CTNNA2: variants seen among roughly 807,000 people sequenced by gnomAD.
The protein encoded by CTNNA2 is catenin alpha-2.
CTNNA2 carries 42 observed loss-of-function variants against 101.0 expected under a neutral mutation model. The ratio of observed to expected loss-of-function variants is 0.42; its 90% CI spans 0.32 to 0.54. The LOEUF is 0.54. CTNNA2 is among the 20% of genes least tolerant of loss of function. The probability of loss-of-function intolerance (pLI) is 0.14; values close to 1 mark genes in which losing one functional copy is unlikely to be tolerated. For synonymous variants in CTNNA2, 450 were observed against 456.4 expected (o/e 0.99, Z 0.18); for missense variants, 871 against 1,223.1 (o/e 0.71, Z 4.29).
chr2:80,114,690 C>G (rs188862820), intron 7 of CTNNA2, among the ~76,000 whole-genome samples: 1 of 152,290 alleles, frequency 6.6e-6, no homozygotes, highest in Non-Finnish European at 1.5e-5. Flanking sequence ...GCTCCTATCC[C>G]CATAATCAGA....
intron 7 of CTNNA2, among the ~76,000 whole-genome samples, chr2:80,232,341 G>GTTGT (rs1709276642): frequency 1.2e-5 from 1 of 82,062 alleles, no homozygotes; most frequent in African/African-American, 3.3e-5. Context: ...TTGTTTGTTT[G>GTTGT]TTTGTTTTTT....
intron 9 of CTNNA2, among the ~76,000 whole-genome samples, chr2:80,443,329 A>T (rs1682757656): frequency 2.6e-5 from 4 of 152,218 alleles, no homozygotes; most frequent in Non-Finnish European, 5.9e-5. Context: ...AAACTGACAC[A>T]GCAAGGAAAT....
chr2:80,065,079 T>G (rs1454187446), intron 7 of CTNNA2, among the ~76,000 whole-genome samples: 1 of 152,194 alleles, frequency 6.6e-6, no homozygotes, highest in Non-Finnish European at 1.5e-5. Context: ...AAAAAGAATT[T>G]TTTTTGAGTA....
intron 1 of CTNNA2, among the ~76,000 whole-genome samples, chr2:79,637,625 A>G (rs1054280666): frequency 2.0e-5 from 3 of 152,216 alleles, no homozygotes; most frequent in Non-Finnish European, 4.4e-5. Flanking sequence ...ACAAACTGAA[A>G]GGTCAAAAAT....
intron 18 of CTNNA2, among the ~76,000 whole-genome samples, chr2:80,631,446 T>A (rs1404691583): frequency 6.6e-6 from 1 of 151,784 alleles, no homozygotes; most frequent in East Asian, 1.9e-4. Context: ...GTTTTGAAAG[T>A]TTCTTGTATA....
intron 4 of CTNNA2, among the ~76,000 whole-genome samples, chr2:79,477,301 G>A (rs960739584): frequency 9.9e-5 from 15 of 151,728 alleles, no homozygotes; most frequent in African/African-American, 3.4e-4. Context: ...CTCCCAAGCA[G>A]CTGGGTTTAC....
chr2:80,454,541 C>T (rs543577877), intron 9 of CTNNA2, among the ~76,000 whole-genome samples: 5 of 152,288 alleles, frequency 3.3e-5, no homozygotes, highest in Admixed American at 2.0e-4. Context: ...TGTCCTTGAA[C>T]GTGTTCAAAT....
At chr2:79,357,646 A>G (rs550680495) in intron 3 of CTNNA2, among the ~76,000 whole-genome samples, 1 of 152,266 alleles carries the variant, frequency 6.6e-6, no homozygotes, top group South Asian at 2.1e-4. Flanking sequence ...TCTTTAGTAG[A>G]GTAAAAATCA....
rs778388158 is a variant in CTNNA2 at position 80,303,313 on chromosome 2, C to A, written c.1057-89898C>A. ...CGGGCACAAACTGGATGGCGTTGGC[C>A]CGCATATGCAGCGTGGTGAGCTTCC... On this transcript the variant is annotated intron_variant, in intron 7 of 18. Transcript: ENST00000402739. The surrounding 1 kb of genome is among the most constrained non-coding windows in gnomAD (Gnocchi z 7.7). The A allele has an allele frequency of 1.9e-6, 3 of 1,613,752 alleles. No individual in the cohort carries two copies. Among genetic ancestry groups the A allele is most frequent in the Admixed American group, 3.3e-5 (2 of 60,026 alleles).
intron 2 of CTNNA2, among the ~76,000 whole-genome samples, chr2:79,712,481 G>C (rs1685803070): frequency 6.6e-6 from 1 of 152,114 alleles, no homozygotes; most frequent in African/African-American, 2.4e-5. Flanking sequence ...TCCTCTAGCT[G>C]TAACATCCTA....
intron 7 of CTNNA2, among the ~76,000 whole-genome samples, chr2:79,968,012 G>T (rs976830809): frequency 5.9e-5 from 9 of 152,112 alleles, no homozygotes; most frequent in South Asian, 4.1e-4. Flanking sequence ...CAAATCTATA[G>T]AGAAAGAACA....
rs189013921 is a variant in CTNNA2 at position 80,589,577 on chromosome 2, A to T, written c.2189+92A>T. 28 of 1,214,304 alleles carry T rather than the reference A, an allele frequency of 2.3e-5. No individual in the cohort carries two copies. The African/African-American group carries it at 4.0e-4, about 17-fold the overall frequency. The allele number at this position is 1,214,304 out of a possible 1,614,324, so 75.2% of individuals were successfully genotyped here. ...GCATGTGAAAGCCTGCTGAAAAATTAAAATATACCAACGCAAGGTGGTGGT... is the reference window on the plus strand; with the variant it reads ...GCATGTGAAAGCCTGCTGAAAAATTTAAATATACCAACGCAAGGTGGTGGT... On this transcript the variant is annotated intron_variant, in intron 15 of 18. Coordinates refer to ENST00000402739, the MANE Select transcript of CTNNA2 (RefSeq NM_001282597.3).
chr2:80,080,182 A>G (rs1304378360), intron 7 of CTNNA2, among the ~76,000 whole-genome samples: 2 of 152,186 alleles, frequency 1.3e-5, no homozygotes, highest in African/African-American at 2.4e-5. Flanking sequence ...AATAAACCTT[A>G]AGTTTAATTT....
Position 80,361,420 on chromosome 2 carries a change from C to CA in CTNNA2, c.1057-31786dup, listed in dbSNP as rs1212695182. On this transcript the variant is annotated intron_variant, in intron 7 of 18. Coordinates refer to ENST00000402739, the MANE Select transcript of CTNNA2 (RefSeq NM_001282597.3). ...TCACTGGGTTCTGAATATATAACAACAAAAACTGTCATTCTTGTTTCATAA... is the reference window on the plus strand; with the variant it reads ...TCACTGGGTTCTGAATATATAACAACAAAAAACTGTCATTCTTGTTTCATAA... Among the ~76,000 whole-genome samples the CA allele has an allele frequency of 2.0e-5, 3 of 152,158 alleles. No homozygotes were observed. The East Asian group carries it at 5.8e-4, about 29-fold the overall frequency.
chr2:79,881,350 G>A (rs1243450262), intron 6 of CTNNA2, among the ~76,000 whole-genome samples: 2 of 152,156 alleles, frequency 1.3e-5, no homozygotes, highest in Non-Finnish European at 2.9e-5. Context: ...GCTGAGTTCA[G>A]TCCTGAATAT....
intron 1 of CTNNA2, among the ~76,000 whole-genome samples, chr2:79,587,781 T>C (rs2103957231): frequency 6.6e-6 from 1 of 152,286 alleles, no homozygotes; most frequent in African/African-American, 2.4e-5. Context: ...CTGGGTTTCC[T>C]CTCTAAACCC....
At chr2:80,544,760 T>C (rs988655683) in intron 9 of CTNNA2, among the ~76,000 whole-genome samples, 11 of 152,152 alleles carry the variant, frequency 7.2e-5, no homozygotes, top group Non-Finnish European at 2.9e-5. Context: ...AACACAACCT[T>C]GTATATGCTT....
Position 79,818,797 on chromosome 2 carries a change from T to C in CTNNA2, c.299-39216T>C, listed in dbSNP as rs191481865. 6.4e-3 allele frequency among the ~76,000 whole-genome samples: 822 copies of C among 129,314 alleles called. 6 individuals carry two copies. Among genetic ancestry groups the C allele is most frequent in the Non-Finnish European group, 0.01 (642 of 62,992 alleles). 84.8% of individuals were successfully genotyped at this position (129,314 alleles called of 152,430 possible). ...CAGTTTTGCTGCAAAGTCTGTATCATATACTTCAGGATCCAAAATGCAATT... is the reference window on the plus strand; with the variant it reads ...CAGTTTTGCTGCAAAGTCTGTATCACATACTTCAGGATCCAAAATGCAATT... On this transcript the variant is annotated intron_variant, in intron 3 of 18. Transcript: ENST00000402739.
Position 79,869,765 on chromosome 2 carries a change from T to C in CTNNA2, c.466-51T>C, listed in dbSNP as rs1462284257. 3.8e-6 allele frequency: 6 copies of C among 1,579,064 alleles called. No individual in the cohort carries two copies. The South Asian group carries it at 4.7e-5, about 12-fold the overall frequency. On this transcript the variant is annotated intron_variant, in intron 4 of 18. Transcript: ENST00000402739. The stretch of plus-strand genomic sequence containing the variant: ...CAAATTCCATTTCTAACATGTTGAA[T>C]AATATTTAAATACTATCCACTAATA...
Sources: gnomAD v4.1 joint callset for allele counts (sites outside exome capture counted in the v4.1 genomes callset) on GRCh38, gnomAD v4.1.1 for gene constraint, Gnocchi (gnomAD v3.1) non-coding constraint, MANE v1.5 for transcripts, NCBI Gene and HGNC (gene_info 2026-07-23, HGNC 2026-07-21) for gene names.